ARFIP1: variants seen among roughly 807,000 people sequenced by gnomAD.
ARFIP1 encodes the protein arfaptin-1.
ARFIP1 carries 24 observed loss-of-function variants against 42.5 expected under a neutral mutation model. That is an observed-to-expected ratio of 0.57 (90% CI 0.41 to 0.80). The LOEUF (loss-of-function observed/expected upper bound fraction) is 0.80. Among genes scored for constraint, ARFIP1 ranks in the 30% least tolerant of loss-of-function variants. The pLI is 0.00. For missense variants in ARFIP1, 354 were observed against 434.0 expected (o/e 0.82, Z 1.64); for synonymous variants, 141 against 153.7 (o/e 0.92, Z 0.61).
At chr4:152,895,710 G>A (rs890426893) in intron 8 of ARFIP1, among the ~76,000 whole-genome samples, 9 of 151,750 alleles carry the variant, frequency 5.9e-5, no homozygotes, top group Non-Finnish European at 1.0e-4. Context: ...ACAGGCATGT[G>A]CTGCTAGGCC....
intron 8 of ARFIP1, among the ~76,000 whole-genome samples, chr4:152,888,780 A>AT (rs1425343001): frequency 6.6e-6 from 1 of 152,078 alleles, no homozygotes; most frequent in African/African-American, 2.4e-5. Flanking sequence ...CATTTTCCAC[A>AT]TTTTTTTCAT....
intron 2 of ARFIP1, among the ~76,000 whole-genome samples, chr4:152,839,921 T>C (rs1441132964): frequency 1.3e-5 from 2 of 152,214 alleles, no homozygotes; most frequent in Non-Finnish European, 2.9e-5. Context: ...TGTAGGCGTT[T>C]AGCACCTCTT....
intron 1 of ARFIP1, chr4:152,796,573 T>C: frequency 1.2e-6 from 1 of 825,210 alleles, no homozygotes; most frequent in Non-Finnish European, 2.1e-6. Flanking sequence ...GTCCTGCTGA[T>C]AGGCAGGTAC....
intron 8 of ARFIP1, among the ~76,000 whole-genome samples, chr4:152,894,505 C>T (rs562960301): frequency 2.0e-5 from 3 of 152,170 alleles, no homozygotes; most frequent in African/African-American, 7.2e-5. Context: ...AATATTCATG[C>T]CAGTGACTTA....
intron 8 of ARFIP1, among the ~76,000 whole-genome samples, chr4:152,893,640 A>G (rs1737054951): frequency 6.6e-6 from 1 of 152,194 alleles, no homozygotes; most frequent in South Asian, 2.1e-4. Context: ...AGTGTAAAAT[A>G]CACTCCTACT....
chr4:152,900,810 C>CTTACA (rs1737766666), intron 8 of ARFIP1, among the ~76,000 whole-genome samples: 1 of 152,146 alleles, frequency 6.6e-6, no homozygotes, highest in Non-Finnish European at 1.5e-5. Flanking sequence ...GGTTGGGGAC[C>CTTACA]TCTTACCAAA....
intron 1 of ARFIP1, among the ~76,000 whole-genome samples, chr4:152,793,553 A>G (rs1013482066): frequency 1.3e-5 from 2 of 152,034 alleles, no homozygotes; most frequent in East Asian, 1.9e-4. Context: ...TTTCTCCTAT[A>G]CATACATACC....
intron 2 of ARFIP1, among the ~76,000 whole-genome samples, chr4:152,854,472 T>G (rs1356191049): frequency 6.6e-6 from 1 of 152,204 alleles, no homozygotes; most frequent in Non-Finnish European, 1.5e-5. Flanking sequence ...CCTGAATTTC[T>G]TTTTGGTTGG....
intron 2 of ARFIP1, among the ~76,000 whole-genome samples, chr4:152,860,283 G>A (rs547084921): frequency 6.6e-6 from 1 of 152,264 alleles, no homozygotes; most frequent in South Asian, 2.1e-4. Context: ...ACTGAAGCCA[G>A]GATTCAAACT....
At chr4:152,883,234 C>T in intron 7 of ARFIP1, 1 of 211,816 alleles carries the variant, frequency 4.7e-6, no homozygotes, top group South Asian at 7.4e-5. Context: ...TGTGCCCAAA[C>T]CCTGCCTTCT....
At chr4:152,863,772 A>G in intron 3 of ARFIP1, 58 bp downstream of exon 3, 1 of 1,076,282 alleles carries the variant, frequency 9.3e-7, no homozygotes, top group Non-Finnish European at 1.4e-6. Flanking sequence ...AAGTTCACCA[A>G]ATGCTACCTT....
In ARFIP1 at chr4:152,889,799, ATAC is replaced by A. The variant is rs1469284531; in HGVS notation, c.966+1495_966+1497del. Among the ~76,000 whole-genome samples the A allele has an allele frequency of 5.1e-3, 528 of 104,398 alleles. 5 individuals are homozygous for A. Among genetic ancestry groups the A allele is most frequent in the African/African-American group, 0.02 (489 of 24,738 alleles). The allele number at this position is 104,398 out of a possible 152,430, so 68.5% of individuals were successfully genotyped here. A position where few individuals can be genotyped will look rare whatever the true frequency, so the allele number is the denominator to read the frequency against. ...CTATATATACTATATATTATATACT[ATAC>A]TATATACTATATATATACTATATAT... On this transcript the variant is annotated intron_variant, in intron 8 of 8. Transcript: ENST00000353617.
intron 1 of ARFIP1, among the ~76,000 whole-genome samples, chr4:152,805,221 A>T (rs1273943412): frequency 6.6e-6 from 1 of 152,228 alleles, no homozygotes. Context: ...TATTCCATTT[A>T]TCTACTTCCT....
At chr4:152,828,775 C>T (rs533397101) in intron 1 of ARFIP1, among the ~76,000 whole-genome samples, 2 of 152,102 alleles carry the variant, frequency 1.3e-5, no homozygotes, top group Admixed American at 6.6e-5. Flanking sequence ...GCATTGGTGT[C>T]GTATCTAAGA....
At chr4:152,900,806 G>A (rs1475937018) in intron 8 of ARFIP1, among the ~76,000 whole-genome samples, 1 of 152,070 alleles carries the variant, frequency 6.6e-6, no homozygotes, top group Non-Finnish European at 1.5e-5. Context: ...TAGCGGTTGG[G>A]GACCTCTTAC....
chr4:152,866,495 G>A (rs961902626), intron 3 of ARFIP1, among the ~76,000 whole-genome samples: 2 of 150,704 alleles, frequency 1.3e-5, no homozygotes, highest in Non-Finnish European at 3.0e-5. Flanking sequence ...GCCGGGCGGG[G>A]GCTGACCCCC....
intron 2 of ARFIP1, among the ~76,000 whole-genome samples, chr4:152,847,475 G>C (rs1446087773): frequency 6.6e-6 from 1 of 151,974 alleles, no homozygotes; most frequent in African/African-American, 2.4e-5. Flanking sequence ...CAGATGTGGA[G>C]AGGATAATCA....
chr4:152,795,479 A>G (rs576409798), intron 1 of ARFIP1, among the ~76,000 whole-genome samples: 35 of 152,300 alleles, frequency 2.3e-4, no homozygotes, highest in South Asian at 1.0e-3. Context: ...ATATTTTACA[A>G]TTACAAAGAA....
chr4:152,788,158 G>A (rs1254868671), intron 1 of ARFIP1, among the ~76,000 whole-genome samples: 1 of 152,106 alleles, frequency 6.6e-6, no homozygotes, highest in South Asian at 2.1e-4. Context: ...TTTGAACCTG[G>A]GAGGCAGAGG....
Sources: gnomAD v4.1 joint callset for allele counts (sites outside exome capture counted in the v4.1 genomes callset) on GRCh38, gnomAD v4.1.1 for gene constraint, MANE v1.5 for transcripts, NCBI Gene and HGNC (gene_info 2026-07-23, HGNC 2026-07-21) for gene names.